YOD1: variants seen among roughly 807,000 people sequenced by gnomAD.
The protein encoded by YOD1 is ubiquitin thioesterase OTU1.
YOD1 carries 17 observed loss-of-function variants against 23.7 expected under a neutral mutation model. That is an observed-to-expected ratio of 0.72 (90% confidence interval 0.49 to 1.07). The LOEUF is 1.07. YOD1 is among the 50% of genes least tolerant of loss of function. YOD1 has a pLI of 0.00. For synonymous variants in YOD1, 191 were observed against 169.6 expected, an observed-to-expected ratio of 1.13 and a Z score of -0.98; for missense variants, 413 against 447.2, an observed-to-expected ratio of 0.92 and a Z score of 0.69.
At position 207,044,752 on chromosome 1, in the gene YOD1, T is replaced by C. The variant is rs566107429; in HGVS notation, c.*4268A>G. 8 of 152,632 alleles carry C rather than the reference T, an allele frequency of 5.2e-5. No individual in the cohort carries two copies. In the East Asian group the frequency reaches 1.5e-3, roughly 29 times the overall value. 9.5% of individuals were successfully genotyped at this position (152,632 alleles called of 1,614,324 possible). On this transcript the variant is annotated 3_prime_UTR_variant, in exon 2 of 2. Transcript: ENST00000315927. The stretch of plus-strand genomic sequence containing the variant: ...AAAATGTTTGGAAAAGGGTAATTCA[T>C]GACTAGGAATGCATCTATTTGACAA...
At chr1:207,049,801 T>C in intron 1 of YOD1, 78 bp from the exon 2 acceptor site, 1 of 1,359,102 alleles carries the variant, frequency 7.4e-7, no homozygotes, top group Non-Finnish European at 9.9e-7. Context: ...AGTCTGTAAA[T>C]TACAAACTGA....
At chr1:207,052,311 C>T (rs182467663), upstream of YOD1, 82 of 1,260,232 alleles carry the variant, frequency 6.5e-5, 1 homozygote, top group African/African-American at 5.7e-4. Flanking sequence ...ACGACTGCAA[C>T]GGATGATACA....
Position 207,046,610 on chromosome 1 carries a change from C to T in YOD1, c.*2410G>A. ...AAGGAATTTGACAGAGTATCAGTGT[C>T]CAACCGGTAAATGGACAACCTAGAT... On this transcript the variant is annotated 3_prime_UTR_variant, in exon 2 of 2. Coordinates refer to ENST00000315927, the MANE Select transcript of YOD1 (RefSeq NM_018566.4). The T allele has an allele frequency of 6.6e-6, 1 of 151,992 alleles. No homozygotes were observed. Among genetic ancestry groups the T allele is most frequent in the African/African-American group, 2.4e-5 (1 of 41,392 alleles). The allele number at this position is 151,992 out of a possible 1,614,324, so 9.4% of individuals were successfully genotyped here. A position where few individuals can be genotyped will look rare whatever the true frequency, so the allele number is the denominator to read the frequency against.
chr1:207,050,850 G>C lies in YOD1; in HGVS notation c.181C>G (p.Gln61Glu). Residue 61 changes from glutamine (Q) to glutamate (E), a missense_variant, in exon 1 of 2, where the codon CAG becomes GAG. Coordinates refer to ENST00000315927, the MANE Select transcript of YOD1 (RefSeq NM_018566.4). ...ACCCGGGTCCGGCTGGACAGCCCCTGCAAAACATGGGTGCCGTCCTTGGCC... is the reference window on the plus strand; with the variant it reads ...ACCCGGGTCCGGCTGGACAGCCCCTCCAAAACATGGGTGCCGTCCTTGGCC... The part of the protein sequence containing the change: ...CKAKDGTHVL[Q>E]GLSSRTRVRE... 6.2e-7 allele frequency: 1 copy of C among 1,612,786 alleles called. No homozygotes were observed. Among genetic ancestry groups the C allele is most frequent in the South Asian group, 1.1e-5 (1 of 91,060 alleles).
Position 207,045,661 on chromosome 1 carries a change from A to T in YOD1, c.*3359T>A, listed in dbSNP as rs1682583902. The T allele has an allele frequency of 6.6e-6, 1 of 151,932 alleles. No homozygotes were observed. Among genetic ancestry groups the T allele is most frequent in the Non-Finnish European group, 1.5e-5 (1 of 67,888 alleles). 9.4% of individuals were successfully genotyped at this position (151,932 alleles called of 1,614,324 possible). ...CTTCCCATTCCATTTTTTTTCCCAA[A>T]AAGATGTAAGAAAACTATGTTTAGC... On this transcript the variant is annotated 3_prime_UTR_variant, in exon 2 of 2. Coordinates refer to ENST00000315927, the MANE Select transcript of YOD1 (RefSeq NM_018566.4).
In YOD1 at chr1:207,045,122, GTA is replaced by G. The variant is rs879818403; in HGVS notation, c.*3896_*3897del. 39 of 152,394 alleles carry G rather than the reference GTA, an allele frequency of 2.6e-4. No individual in the cohort carries two copies. The Admixed American group carries it at 2.6e-3, about 10-fold the overall frequency. The allele number at this position is 152,394 out of a possible 1,614,324, so 9.4% of individuals were successfully genotyped here. Reference sequence around the variant, plus strand: ...CTTTGGACTTAAAATGATGCCACTTGTATATGACACGTTTAAGGCCTCTGACT... The same window carrying G: ...CTTTGGACTTAAAATGATGCCACTTGTATGACACGTTTAAGGCCTCTGACT... On this transcript the variant is annotated 3_prime_UTR_variant, in exon 2 of 2. Coordinates refer to ENST00000315927, the MANE Select transcript of YOD1 (RefSeq NM_018566.4).
rs918015629 is a variant in YOD1 at position 207,044,093 on chromosome 1, T to C, written c.*4927A>G. The stretch of plus-strand genomic sequence containing the variant: ...ACTGTCCATCTGCATTAAGAAAAAA[T>C]ATTTTCTTATGCTGTTTTGCCCATC... On this transcript the variant is annotated 3_prime_UTR_variant, in exon 2 of 2. Coordinates refer to ENST00000315927, the MANE Select transcript of YOD1 (RefSeq NM_018566.4). 4.6e-5 allele frequency: 7 copies of C among 152,410 alleles called. No individual in the cohort carries two copies. Among genetic ancestry groups the C allele is most frequent in the Admixed American group, 2.0e-4 (3 of 15,280 alleles). The allele number at this position is 152,410 out of a possible 1,614,324, so 9.4% of individuals were successfully genotyped here. A position where few individuals can be genotyped will look rare whatever the true frequency, so the allele number is the denominator to read the frequency against.
chr1:207,046,941 A>C lies in YOD1; in HGVS notation c.*2079T>G, dbSNP rs1471950287. ...CTAAAGCTGTAGTAAGCAAATGTCA[A>C]CTCTGTGTCCTGAAGTAGCAAAGAA... On this transcript the variant is annotated 3_prime_UTR_variant, in exon 2 of 2. Coordinates refer to ENST00000315927, the MANE Select transcript of YOD1 (RefSeq NM_018566.4). 1 of 151,988 alleles carries C rather than the reference A, an allele frequency of 6.6e-6. No homozygotes were observed. Among genetic ancestry groups the C allele is most frequent in the Non-Finnish European group, 1.5e-5 (1 of 67,938 alleles). 9.4% of individuals were successfully genotyped at this position (151,988 alleles called of 1,614,324 possible). A position where few individuals can be genotyped will look rare whatever the true frequency, so the allele number is the denominator to read the frequency against.
rs2102319615 is a variant in YOD1 at position 207,044,089 on chromosome 1, A to G, written c.*4931T>C. The G allele has an allele frequency of 6.6e-6, 1 of 152,618 alleles. No individual in the cohort carries two copies. Among genetic ancestry groups the G allele is most frequent in the South Asian group, 2.1e-4 (1 of 4,828 alleles). The allele number at this position is 152,618 out of a possible 1,614,324, so 9.5% of individuals were successfully genotyped here. On this transcript the variant is annotated 3_prime_UTR_variant, in exon 2 of 2. Coordinates refer to ENST00000315927, the MANE Select transcript of YOD1 (RefSeq NM_018566.4). ...AAACACTGTCCATCTGCATTAAGAA[A>G]AAATATTTTCTTATGCTGTTTTGCC...
Position 207,049,793 on chromosome 1 carries a change from T to G in YOD1, c.344-70A>C. The G allele has an allele frequency of 2.1e-6, 3 of 1,419,518 alleles. No individual in the cohort carries two copies. The South Asian group carries it at 4.2e-5, about 20-fold the overall frequency. The allele number at this position is 1,419,518 out of a possible 1,614,324, so 87.9% of individuals were successfully genotyped here. ...AGAAACCGAGTGTTCTCTAGCCAAG[T>G]CTGTAAATTACAAACTGAAGGAGTT... On this transcript the variant is annotated intron_variant, in intron 1 of 1. Coordinates refer to ENST00000315927, the MANE Select transcript of YOD1 (RefSeq NM_018566.4).
chr1:207,049,644 G>A lies in YOD1; in HGVS notation c.423C>T (p.Tyr141=), dbSNP rs1682685302. The A allele has an allele frequency of 6.2e-7, 1 of 1,614,180 alleles. No homozygotes were observed. The highest frequency in any genetic ancestry group is 2.2e-5 in the East Asian group (1 of 44,882). ...TAAGCACAGGCAAAGTTTCCCTGAC[G>A]TAACTAGAAGCACCACGTTTAGTAA... ...PAFTKRGASS[Y]VRETLPVLTR... Residue 141 remains tyrosine, a synonymous_variant, in exon 2 of 2, where the codon TAC becomes TAT. Coordinates refer to ENST00000315927, the MANE Select transcript of YOD1 (RefSeq NM_018566.4).
In YOD1 at chr1:207,045,851, C is replaced by T. The variant is rs146025508; in HGVS notation, c.*3169G>A. 1.6e-4 allele frequency: 24 copies of T among 152,086 alleles called. No individual in the cohort carries two copies. The highest frequency in any genetic ancestry group is 4.8e-4 in the African/African-American group (20 of 41,524). 9.4% of individuals were successfully genotyped at this position (152,086 alleles called of 1,614,324 possible). A position where few individuals can be genotyped will look rare whatever the true frequency, so the allele number is the denominator to read the frequency against. On this transcript the variant is annotated 3_prime_UTR_variant, in exon 2 of 2. Coordinates refer to ENST00000315927, the MANE Select transcript of YOD1 (RefSeq NM_018566.4). The stretch of plus-strand genomic sequence containing the variant: ...GCTGGGACTTCATGGAATAATCAAG[C>T]GGCATGACTACATTAGTTGTTAAAA...
In YOD1 at chr1:207,049,391, A is replaced by T; in HGVS notation, c.676T>A (p.Ser226Thr). Residue 226 changes from serine (S) to threonine (T), a missense_variant, in exon 2 of 2, where the codon TCG becomes ACG. Coordinates refer to ENST00000315927, the MANE Select transcript of YOD1 (RefSeq NM_018566.4). ...CATTGGTAAAACTTGGACAAAATCGATATCTCTATTGCTCCTCCCCAAGTG... is the reference window on the plus strand; with the variant it reads ...CATTGGTAAAACTTGGACAAAATCGTTATCTCTATTGCTCCTCCCCAAGTG... ...DDTWGGAIEI[S>T]ILSKFYQCEI... The T allele has an allele frequency of 6.2e-7, 1 of 1,614,126 alleles. No individual in the cohort carries two copies. Among genetic ancestry groups the T allele is most frequent in the Middle Eastern group, 1.6e-4 (1 of 6,062 alleles).
Position 207,049,720 on chromosome 1 carries a change from T to C in YOD1, c.347A>G (p.Asp116Gly). The change falls in exon 2 of 2, where the codon GAC becomes GGC. Residue 116 changes from aspartate to glycine, a missense_variant. By Grantham distance (94) the Asp-to-Gly change is moderately conservative. Coordinates refer to ENST00000315927, the MANE Select transcript of YOD1 (RefSeq NM_018566.4). ...TTGGTCTTCTTCAATGATCAGCATG[T>C]CACCTGTTAAAAATAAAACAAATCC... is the stretch of plus-strand genomic sequence containing the variant. ...ILEDLPIQSG[D>G]MLIIEEDQTR... 1 of 1,607,856 alleles carries C rather than the reference T, an allele frequency of 6.2e-7. No homozygotes were observed. Among genetic ancestry groups the C allele is most frequent in the Non-Finnish European group, 8.5e-7 (1 of 1,177,362 alleles).
At position 207,050,876 on chromosome 1, in the gene YOD1, T is replaced by C; in HGVS notation, c.155A>G (p.Lys52Arg). The C allele has an allele frequency of 6.2e-7, 1 of 1,609,316 alleles. No homozygotes were observed. Among genetic ancestry groups the C allele is most frequent in the Non-Finnish European group, 8.5e-7 (1 of 1,178,104 alleles). ...CAAAACATGGGTGCCGTCCTTGGCC[T>C]TGCAGCGGAGCCGCCACATCGTGTC... Reference protein sequence around the residue: ...RTDTMWRLRCKAKDGTHVLQG... With the variant: ...RTDTMWRLRCRAKDGTHVLQG... Residue 52 changes from lysine to arginine, a missense_variant, in exon 1 of 2, where the codon AAG becomes AGG. Lys to Arg is a conservative substitution (Grantham distance 26). Transcript: ENST00000315927.
rs1682622688 is a variant in YOD1 at position 207,047,251 on chromosome 1, CCAT to C, written c.*1766_*1768del. Reference sequence around the variant, plus strand: ...ACTAAACACTTTTAAGTTATGCTGACCATAACAGCTTATATTGTCTAAAATAAC... The same window carrying C: ...ACTAAACACTTTTAAGTTATGCTGACAACAGCTTATATTGTCTAAAATAAC... On this transcript the variant is annotated 3_prime_UTR_variant, in exon 2 of 2. Transcript: ENST00000315927. 4 of 152,452 alleles carry C rather than the reference CCAT, an allele frequency of 2.6e-5. No individual in the cohort carries two copies. The highest frequency in any genetic ancestry group is 2.6e-4 in the Admixed American group (4 of 15,266). The allele number at this position is 152,452 out of a possible 1,614,324, so 9.4% of individuals were successfully genotyped here.
In YOD1 at chr1:207,049,491, G is replaced by A. The variant is rs115190692; in HGVS notation, c.576C>T (p.Ser192=). 12 of 1,614,096 alleles carry A rather than the reference G, an allele frequency of 7.4e-6. No homozygotes were observed. Among genetic ancestry groups the A allele is most frequent in the East Asian group, 2.2e-5 (1 of 44,878 alleles). The part of the protein sequence containing the change: ...MRRLIAQIVA[S]DPDFYSEAIL... ...TTGCCTCACTATAGAAGTCTGGATC[G>A]CTTGCTACAATTTGTGCTATGAGGC... The change falls in exon 2 of 2, where the codon AGC becomes AGT. Residue 192 remains serine (S), a synonymous_variant. Coordinates refer to ENST00000315927, the MANE Select transcript of YOD1 (RefSeq NM_018566.4).
At position 207,050,673 on chromosome 1, in the gene YOD1, G is replaced by GC. The variant is rs772581663; in HGVS notation, c.343+14dup. ...CCTCCCGGGACTTTCCCTGGCCCCA[G>GC]CCCTGATTCCTTACCAGATTGGATG... On this transcript the variant is annotated intron_variant, in intron 1 of 1. Coordinates refer to ENST00000315927, the MANE Select transcript of YOD1 (RefSeq NM_018566.4). The GC allele has an allele frequency of 2.5e-6, 4 of 1,612,718 alleles. No individual in the cohort carries two copies. The highest frequency in any genetic ancestry group is 3.4e-6 in the Non-Finnish European group (4 of 1,179,896).
rs144995332 is a variant in YOD1 at position 207,049,176 on chromosome 1, T to G, written c.891A>C (p.Ala297=). ...SSNDDIVLVQ[A]LELADEARRR... ...TTCTAGCTTCATCTGCTAATTCCAG[T>G]GCTTGTACAAGAACAATATCATCAT... is the stretch of plus-strand genomic sequence containing the variant. Residue 297 remains alanine, a synonymous_variant, in exon 2 of 2, where the codon GCA becomes GCC. Transcript: ENST00000315927. 1 of 1,614,096 alleles carries G rather than the reference T, an allele frequency of 6.2e-7. No individual in the cohort carries two copies. Among genetic ancestry groups the G allele is most frequent in the South Asian group, 1.1e-5 (1 of 91,082 alleles).
Sources: gnomAD v4.1 joint callset for allele counts on GRCh38, gnomAD v4.1.1 for gene constraint, MANE v1.5 for transcripts, NCBI Gene and HGNC (gene_info 2026-07-23, HGNC 2026-07-21) for gene names.